MYO9A: variants seen among roughly 807,000 people sequenced by gnomAD.
The protein encoded by MYO9A is myosin IXA.
Under a neutral mutation model 293.3 loss-of-function variants are expected in MYO9A, and 103 were observed. The observed-to-expected ratio is 0.35, with a 90% CI of 0.30 to 0.41. MYO9A has a LOEUF of 0.41. MYO9A is among the 10% of genes least tolerant of loss of function. The pLI is 1.00. For synonymous variants in MYO9A, 1,001 were observed against 1,035.7 expected (o/e 0.97, Z 0.64); for missense variants, 2,685 against 3,033.0 (o/e 0.89, Z 2.69).
chr15:71,851,321 G>A lies in MYO9A; in HGVS notation c.6513C>T (p.Tyr2171=). ...TTCGGGAGAGTTGATCAATCACAGA[G>A]TATACACCACGGATTGTCTCCTTCC... The part of the protein sequence containing the change: ...QERKETIRGV[Y]SVIDQLSRTH... Residue 2171 remains tyrosine, a synonymous_variant, in exon 37 of 42, where the codon TAC becomes TAT. Coordinates refer to ENST00000356056, the MANE Select transcript of MYO9A (RefSeq NM_006901.4). 6.2e-7 allele frequency: 1 copy of A among 1,613,960 alleles called. No homozygotes were observed. Among genetic ancestry groups the A allele is most frequent in the Non-Finnish European group, 8.5e-7 (1 of 1,179,912 alleles).
At position 71,827,902 on chromosome 15, in the gene MYO9A, C is replaced by T. The variant is rs2140468730; in HGVS notation, c.7165G>A (p.Ala2389Thr). ...CACTTACCTGATTTCTCAGAGATAGCATATTCAGACTCCATATTCAAATTC... is the reference window on the plus strand; with the variant it reads ...CACTTACCTGATTTCTCAGAGATAGTATATTCAGACTCCATATTCAAATTC... ...SENLNMESEY[A>T]ISEKSERSLA... Residue 2389 changes from alanine to threonine, a missense_variant, in exon 41 of 42, where the codon GCT becomes ACT. Around this residue, in one of 10 missense-constraint regions of MYO9A, gnomAD observed 350 missense variants for 328.9 expected, o/e 1.06. Coordinates refer to ENST00000356056, the MANE Select transcript of MYO9A (RefSeq NM_006901.4). 6.2e-7 allele frequency: 1 copy of T among 1,613,442 alleles called. No homozygotes were observed. The highest frequency in any genetic ancestry group is 8.5e-7 in the Non-Finnish European group (1 of 1,179,676).
chr15:71,945,496 T>C (rs1252370788), intron 15 of MYO9A, among the ~76,000 whole-genome samples: 1 of 152,162 alleles, frequency 6.6e-6, no homozygotes, highest in Non-Finnish European at 1.5e-5. Context: ...GCTTGTGACA[T>C]CTAGGAGGCT....
At chr15:71,891,631 A>G (rs2142996636) in intron 26 of MYO9A, 1 of 152,328 alleles carries the variant, frequency 6.6e-6, no homozygotes, top group Middle Eastern at 3.4e-3. Context: ...TTTTGGCTCT[A>G]ATTATACATA....
At chr15:71,827,753 A>G in intron 41 of MYO9A, 131 bp downstream of exon 41, 1 of 1,080,556 alleles carries the variant, frequency 9.3e-7, no homozygotes, top group East Asian at 2.5e-5. Context: ...TAAAAGGACA[A>G]AATTCCTCAA....
intron 13 of MYO9A, among the ~76,000 whole-genome samples, chr15:71,965,464 T>A (rs1446271109): frequency 6.6e-6 from 1 of 152,142 alleles, no homozygotes; most frequent in Non-Finnish European, 1.5e-5. Context: ...ATTAGCTACA[T>A]ATAATATCAA....
chr15:71,831,672 T>A (rs759843154), intron 39 of MYO9A, among the ~76,000 whole-genome samples: 2 of 152,056 alleles, frequency 1.3e-5, no homozygotes, highest in Non-Finnish European at 2.9e-5. Flanking sequence ...CAGAAAAAAA[T>A]GAAAACATTC....
chr15:71,897,148 C>T (rs1266581813), intron 25 of MYO9A: 7 of 243,582 alleles, frequency 2.9e-5, no homozygotes, highest in African/African-American at 1.6e-4. Flanking sequence ...AACTTCACAG[C>T]TGTAAAGCAA....
intron 1 of MYO9A, among the ~76,000 whole-genome samples, chr15:72,086,238 G>A (rs986179595): frequency 5.9e-5 from 9 of 152,150 alleles, no homozygotes; most frequent in Non-Finnish European, 1.0e-4. Flanking sequence ...TGGCTTAAGC[G>A]GGCCCCACTG....
chr15:71,916,046 T>G (rs563183110), intron 19 of MYO9A, among the ~76,000 whole-genome samples: 53 of 152,218 alleles, frequency 3.5e-4, no homozygotes, highest in African/African-American at 1.2e-3. Context: ...AAAAAACATA[T>G]ATCATTATGC....
intron 2 of MYO9A, among the ~76,000 whole-genome samples, chr15:72,037,211 G>C (rs1043691998): frequency 8.0e-6 from 1 of 125,252 alleles, no homozygotes; most frequent in Non-Finnish European, 1.6e-5. Flanking sequence ...ACAATCAGAA[G>C]CAATTGTTTA....
chr15:71,929,761 C>T (rs905451906), intron 18 of MYO9A, among the ~76,000 whole-genome samples: 1 of 152,166 alleles, frequency 6.6e-6, no homozygotes, highest in African/African-American at 2.4e-5. Flanking sequence ...AATGAATGTA[C>T]AGGTGCATGT....
chr15:72,022,247 C>A lies in MYO9A; in HGVS notation c.999-1230G>T, dbSNP rs1426264886. Among the ~76,000 whole-genome samples the A allele has an allele frequency of 4.6e-5, 7 of 152,136 alleles. No homozygotes were observed. The South Asian group carries it at 1.5e-3, about 32-fold the overall frequency. ...TTAAAAATCAAATTTTTTGGCCAGG[C>A]GTGGTGGCTCACACCTGTAATCCCA... On this transcript the variant is annotated intron_variant, in intron 4 of 41. Transcript: ENST00000356056.
chr15:72,001,966 T>C (rs540737562), intron 8 of MYO9A, among the ~76,000 whole-genome samples: 1 of 152,324 alleles, frequency 6.6e-6, no homozygotes, highest in East Asian at 1.9e-4. Context: ...GGTATATTGC[T>C]GCAATTATTA....
rs546412610 is a variant in MYO9A, at chr15:71,923,861, T to C, written c.2563-7369A>G. ...TCACTTATTTCTGCTATGATCTTTA[T>C]CATTTCTCTTCTTCTATTAACTTAA... On this transcript the variant is annotated intron_variant, in intron 18 of 41. Transcript: ENST00000356056. Among the ~76,000 whole-genome samples, 159 of 152,302 alleles carry C rather than the reference T, an allele frequency of 1.0e-3. 2 individuals carry two copies. Among genetic ancestry groups the C allele is most frequent in the Admixed American group, 9.8e-3 (150 of 15,304 alleles).
chr15:72,005,596 T>C (rs1162185103), intron 8 of MYO9A, among the ~76,000 whole-genome samples: 1 of 152,192 alleles, frequency 6.6e-6, no homozygotes, highest in Non-Finnish European at 1.5e-5. Context: ...TTCTTTCCAG[T>C]AAGTCTAGTT....
chr15:71,973,974 GGTAA>G (rs1241339347), intron 12 of MYO9A, among the ~76,000 whole-genome samples: 1 of 152,194 alleles, frequency 6.6e-6, no homozygotes, highest in African/African-American at 2.4e-5. Flanking sequence ...GAATGTAGAA[GGTAA>G]GTGAGACTGA....
At chr15:71,979,737 T>G (rs2076226987) in intron 11 of MYO9A, among the ~76,000 whole-genome samples, 1 of 152,350 alleles carries the variant, frequency 6.6e-6, no homozygotes, top group South Asian at 2.1e-4. Flanking sequence ...CTGGCCCTTA[T>G]AGAAAAAGTG....
At chr15:71,904,857 CT>C in intron 20 of MYO9A, 68 bp downstream of exon 20, 1 of 1,163,884 alleles carries the variant, frequency 8.6e-7, no homozygotes. Flanking sequence ...ACTTATTCTG[CT>C]TAAAAGTATT....
At chr15:72,024,557 G>A (rs529525523) in intron 4 of MYO9A, among the ~76,000 whole-genome samples, 5 of 152,304 alleles carry the variant, frequency 3.3e-5, no homozygotes, top group Admixed American at 6.5e-5. Flanking sequence ...ACAGGCAGGA[G>A]CCACTGCACC....
Sources: allele counts gnomAD v4.1 joint callset (sites outside exome capture counted in the v4.1 genomes callset), GRCh38; gene constraint gnomAD v4.1.1; regional missense constraint gnomAD v4.1.1; transcripts MANE v1.5; gene names NCBI Gene and HGNC (gene_info 2026-07-23, HGNC 2026-07-21).